MVB12B: variants seen among roughly 807,000 people sequenced by gnomAD.
The protein encoded by MVB12B is ESCRT-I complex subunit MVB12B.
A neutral mutation model predicts 41.6 loss-of-function variants in MVB12B; 16 were observed. The observed-to-expected ratio is 0.38, with a 90% CI of 0.26 to 0.58. The LOEUF (loss-of-function observed/expected upper bound fraction) is 0.58. Among genes scored for constraint, MVB12B ranks in the 20% least tolerant of loss-of-function variants. The probability of loss-of-function intolerance (pLI) is 0.62; values close to 1 mark genes in which losing one functional copy is unlikely to be tolerated. For missense variants in MVB12B, 274 were observed against 380.2 expected, an observed-to-expected ratio of 0.72 and a Z score of 2.32; for synonymous variants, 133 against 139.7, an observed-to-expected ratio of 0.95 and a Z score of 0.34.
chr9:126,452,226 T>C (rs1832901201), intron 7 of MVB12B, among the ~76,000 whole-genome samples: 1 of 152,220 alleles, frequency 6.6e-6, no homozygotes, highest in Admixed American at 6.5e-5. Flanking sequence ...TTTTAAACAA[T>C]AGACCCAGCC....
intron 7 of MVB12B, among the ~76,000 whole-genome samples, chr9:126,466,758 A>C (rs1383979745): frequency 6.6e-6 from 1 of 152,194 alleles, no homozygotes; most frequent in East Asian, 1.9e-4. Flanking sequence ...TTTCTATTAC[A>C]AATTGGATAT....
In MVB12B at chr9:126,375,363, C is replaced by CTTTTTT. The variant is rs35585049; in HGVS notation, c.205-5687_205-5682dup. On this transcript the variant is annotated intron_variant, in intron 2 of 9. Transcript: ENST00000361171. Reference sequence around the variant, plus strand: ...TGTCTTTTTAATTTTTAAATTGATTCTTTTTTTTTTTTTTTTTTTGTCAAA... The same window carrying CTTTTTT: ...TGTCTTTTTAATTTTTAAATTGATTCTTTTTTTTTTTTTTTTTTTTTTTTTGTCAAA... Among the ~76,000 whole-genome samples the CTTTTTT allele has an allele frequency of 5.8e-3, 614 of 105,134 alleles. 1 individual carries two copies. The highest frequency in any genetic ancestry group is 6.8e-3 in the African/African-American group (180 of 26,306). The allele number at this position is 105,134 out of a possible 152,430, so 69.0% of individuals were successfully genotyped here.
chr9:126,455,630 G>A (rs547482966), intron 7 of MVB12B, among the ~76,000 whole-genome samples: 10 of 151,962 alleles, frequency 6.6e-5, no homozygotes, highest in Non-Finnish European at 1.2e-4. Flanking sequence ...AACCACAGGC[G>A]TGTGCCACCA....
intron 4 of MVB12B, among the ~76,000 whole-genome samples, chr9:126,387,492 G>C (rs921549775): frequency 4.1e-4 from 63 of 152,220 alleles, no homozygotes; most frequent in African/African-American, 1.4e-3. Flanking sequence ...TGGTCCCACT[G>C]TTTTTTGCTG....
chr9:126,381,656 T>C (rs747209322), intron 3 of MVB12B, among the ~76,000 whole-genome samples: 1 of 152,092 alleles, frequency 6.6e-6, no homozygotes, highest in Non-Finnish European at 1.5e-5. Flanking sequence ...TATTGACTCA[T>C]GTAGATTTCT....
At position 126,505,656 on chromosome 9, in the gene MVB12B, GTGTGTGTGTGTGTGTGTGTGTGTATA is replaced by G. The variant is rs960962416; in HGVS notation, c.*2406_*2431del. The G allele has an allele frequency of 1.5e-5, 2 of 129,694 alleles. No homozygotes were observed. Among genetic ancestry groups the G allele is most frequent in the Non-Finnish European group, 3.3e-5 (2 of 60,516 alleles). The allele number at this position is 129,694 out of a possible 1,614,324, so 8.0% of individuals were successfully genotyped here. A position where few individuals can be genotyped will look rare whatever the true frequency, so the allele number is the denominator to read the frequency against. ...GGTGGGTGAGGACAAGCATGTGCCT[GTGTGTGTGTGTGTGTGTGTGTGTATA>G]TGTGTGTGTGTGCACGCACATGCGT... On this transcript the variant is annotated 3_prime_UTR_variant, in exon 10 of 10. Transcript: ENST00000361171.
chr9:126,356,111 G>A (rs1393760999), intron 2 of MVB12B, among the ~76,000 whole-genome samples: 1 of 152,168 alleles, frequency 6.6e-6, no homozygotes, highest in Non-Finnish European at 1.5e-5. Context: ...ATATTTTAAT[G>A]TCTGCTAGAA....
chr9:126,337,207 A>T (rs1156233034), intron 1 of MVB12B, among the ~76,000 whole-genome samples: 7 of 152,046 alleles, frequency 4.6e-5, no homozygotes, highest in Non-Finnish European at 8.8e-5. Flanking sequence ...TCCAGTTGGT[A>T]ATGGAGCCCC....
chr9:126,466,564 A>G (rs1032728889), intron 7 of MVB12B, among the ~76,000 whole-genome samples: 3 of 152,120 alleles, frequency 2.0e-5, no homozygotes, highest in Non-Finnish European at 2.9e-5. Flanking sequence ...ATTTGCCACC[A>G]TTTTTGCCAT....
At chr9:126,428,459 T>C (rs1832242613) in intron 7 of MVB12B, among the ~76,000 whole-genome samples, 1 of 152,188 alleles carries the variant, frequency 6.6e-6, no homozygotes, top group African/African-American at 2.4e-5. Context: ...AAACATATTT[T>C]CCTTTCATTT....
At chr9:126,369,310 C>G (rs1021853019) in intron 2 of MVB12B, among the ~76,000 whole-genome samples, 2 of 152,158 alleles carry the variant, frequency 1.3e-5, no homozygotes, top group Admixed American at 1.3e-4. Context: ...GGTCTATTGT[C>G]TGATTTTTAA....
intron 2 of MVB12B, among the ~76,000 whole-genome samples, chr9:126,345,155 G>A (rs1009055543): frequency 2.0e-5 from 3 of 152,182 alleles, no homozygotes; most frequent in Admixed American, 6.5e-5. Context: ...GGGGGTCCAG[G>A]TCCATGCTCA....
chr9:126,449,319 C>T (rs762533837), intron 7 of MVB12B, among the ~76,000 whole-genome samples: 31 of 152,114 alleles, frequency 2.0e-4, no homozygotes, highest in Non-Finnish European at 3.7e-4. Flanking sequence ...GCTCGGTGGC[C>T]GCAAGCACGT....
At chr9:126,417,033 G>A (rs945723028) in intron 6 of MVB12B, among the ~76,000 whole-genome samples, 1 of 152,222 alleles carries the variant, frequency 6.6e-6, no homozygotes, top group African/African-American at 2.4e-5. Flanking sequence ...TTAATGGGAA[G>A]CCTTGATGTG....
Position 126,444,219 on chromosome 9 carries a change from G to A in MVB12B, c.757+22271G>A, listed in dbSNP as rs76707789. Among the ~76,000 whole-genome samples the A allele has an allele frequency of 8.9e-3, 1,351 of 152,094 alleles. 10 individuals carry two copies. The highest frequency in any genetic ancestry group is 0.024 in the Middle Eastern group (7 of 294). On this transcript the variant is annotated intron_variant, in intron 7 of 9. Coordinates refer to ENST00000361171, the MANE Select transcript of MVB12B (RefSeq NM_033446.3). ...CTTCATTTCTAAAAGTTATACTTCG[G>A]TGAATGTTCCTTTAAATAAATATAT...
chr9:126,392,387 C>T lies in MVB12B; in HGVS notation c.539+192C>T, dbSNP rs1294946092. On this transcript the variant is annotated intron_variant, in intron 5 of 9. Transcript: ENST00000361171. The surrounding 1 kb of genome is among the most constrained non-coding windows in gnomAD (Gnocchi z 4.8). ...TCTGAGCCTCGGCTCGCACTGCTGA[C>T]TCCACCTTAGGGCCTTTCCTCCCCT... 6.6e-6 allele frequency among the ~76,000 whole-genome samples: 1 copy of T among 152,236 alleles called. No homozygotes were observed. Among genetic ancestry groups the T allele is most frequent in the African/African-American group, 2.4e-5 (1 of 41,462 alleles).
In MVB12B at chr9:126,506,205, A is replaced by G. The variant is rs994717956; in HGVS notation, c.*2942A>G. 6.5e-6 allele frequency: 1 copy of G among 152,676 alleles called. No homozygotes were observed. The highest frequency in any genetic ancestry group is 2.4e-5 in the African/African-American group (1 of 41,452). The allele number at this position is 152,676 out of a possible 1,614,324, so 9.5% of individuals were successfully genotyped here. A position where few individuals can be genotyped will look rare whatever the true frequency, so the allele number is the denominator to read the frequency against. On this transcript the variant is annotated 3_prime_UTR_variant, in exon 10 of 10. Coordinates refer to ENST00000361171, the MANE Select transcript of MVB12B (RefSeq NM_033446.3). ...CACGTAAAGGAATTGCAGGTCGGTG[A>G]GAGGACAAGAGGGACTCCCATGTTC...
intron 4 of MVB12B, among the ~76,000 whole-genome samples, chr9:126,390,207 T>G (rs1830906968): frequency 6.6e-6 from 1 of 152,222 alleles, no homozygotes; most frequent in Non-Finnish European, 1.5e-5. Context: ...GACGGTAAGA[T>G]CCCACACAGC....
chr9:126,347,296 G>A (rs557790379), intron 2 of MVB12B, among the ~76,000 whole-genome samples: 1 of 152,228 alleles, frequency 6.6e-6, no homozygotes, highest in Admixed American at 6.5e-5. Context: ...GGCTCGGCCT[G>A]TGCGGGCAGC....
Sources: allele counts gnomAD v4.1 joint callset (sites outside exome capture counted in the v4.1 genomes callset), GRCh38; gene constraint gnomAD v4.1.1; non-coding constraint Gnocchi (gnomAD v3.1); transcripts MANE v1.5; gene names NCBI Gene and HGNC (gene_info 2026-07-23, HGNC 2026-07-21).